Variants in CDH10 observed in about 807,000 individuals in gnomAD.
CDH10 encodes cadherin-10.
Under a neutral mutation model 73.1 loss-of-function variants are expected in CDH10, and 30 were observed. The observed-to-expected ratio is 0.41, with a 90% CI of 0.31 to 0.56. The LOEUF is 0.56. Among genes scored for constraint, CDH10 ranks in the 20% least tolerant of loss-of-function variants. The probability of loss-of-function intolerance (pLI) is 0.27; values close to 1 mark genes in which losing one functional copy is unlikely to be tolerated. For synonymous variants in CDH10, 345 were observed against 348.2 expected, an observed-to-expected ratio of 0.99 and a Z score of 0.10; for missense variants, 815 against 973.7, an observed-to-expected ratio of 0.84 and a Z score of 2.17.
chr5:24,597,413 T>C (rs186306015), intron 1 of CDH10, among the ~76,000 whole-genome samples: 1 of 152,072 alleles, frequency 6.6e-6, no homozygotes, highest in Admixed American at 6.6e-5. Context: ...TTTTCCTATT[T>C]AGTGCTTCAG....
intron 8 of CDH10, among the ~76,000 whole-genome samples, chr5:24,502,157 C>G (rs1211523025): frequency 6.6e-6 from 1 of 152,036 alleles, no homozygotes; most frequent in South Asian, 2.1e-4. Flanking sequence ...CACCTGACCT[C>G]GTGATCCGCC....
intron 7 of CDH10, among the ~76,000 whole-genome samples, chr5:24,509,360 C>A (rs922513908): frequency 6.6e-6 from 1 of 150,778 alleles, no homozygotes; most frequent in Non-Finnish European, 1.5e-5. Flanking sequence ...CTGCCTCAGC[C>A]TCCTGAGTAG....
intron 1 of CDH10, among the ~76,000 whole-genome samples, chr5:24,620,782 C>A (rs1174847534): frequency 1.3e-5 from 2 of 151,994 alleles, no homozygotes; most frequent in South Asian, 2.1e-4. Flanking sequence ...GTGCCCATAC[C>A]AGTCTGTATT....
At chr5:24,583,204 T>TAAA (rs35552025) in intron 2 of CDH10, among the ~76,000 whole-genome samples, 6 of 144,072 alleles carry the variant, frequency 4.2e-5, no homozygotes, top group South Asian at 4.4e-4. Context: ...ATTTTTTAGT[T>TAAA]AAAAAAAAAA....
chr5:24,598,486 T>G (rs1746447437), intron 1 of CDH10, among the ~76,000 whole-genome samples: 1 of 151,966 alleles, frequency 6.6e-6, no homozygotes, highest in Admixed American at 6.6e-5. Flanking sequence ...GATTGAATAT[T>G]ATAATTATTT....
intron 2 of CDH10, among the ~76,000 whole-genome samples, chr5:24,585,109 G>A (rs1745947209): frequency 6.6e-6 from 1 of 152,148 alleles, no homozygotes; most frequent in Admixed American, 6.5e-5. Context: ...GTCTCCCAAA[G>A]TGCTGGGATT....
At chr5:24,491,891 C>A (rs2111643022) in intron 10 of CDH10, 64 bp from the exon 11 acceptor site, 2 of 905,128 alleles carry the variant, frequency 2.2e-6, no homozygotes, top group Non-Finnish European at 3.3e-6. Flanking sequence ...ATGTGATCAC[C>A]AAGGTTTAAC....
chr5:24,642,071 A>G (rs1449343716), intron 1 of CDH10, among the ~76,000 whole-genome samples: 1 of 152,116 alleles, frequency 6.6e-6, no homozygotes, highest in Non-Finnish European at 1.5e-5. Context: ...CCCAAGGGCT[A>G]CACTAGAGAT....
At chr5:24,502,411 T>C (rs1742534308) in intron 8 of CDH10, among the ~76,000 whole-genome samples, 1 of 152,154 alleles carries the variant, frequency 6.6e-6, no homozygotes, top group Non-Finnish European at 1.5e-5. Context: ...TGAACGTCAT[T>C]GTGTCCTGCT....
At chr5:24,572,935 GAAAAAA>G (rs55946839) in intron 2 of CDH10, among the ~76,000 whole-genome samples, 1 of 72,116 alleles carries the variant, frequency 1.4e-5, no homozygotes, top group Non-Finnish European at 2.5e-5. Context: ...CTTAGAAAAA[GAAAAAA>G]AAAAAAAAAA....
chr5:24,498,269 T>A (rs1742363936), intron 9 of CDH10, 129 bp downstream of exon 9: 3 of 498,170 alleles, frequency 6.0e-6, no homozygotes, highest in Non-Finnish European at 1.1e-5. Context: ...TTATGGTTTT[T>A]AAAAATTATA....
chr5:24,488,390 T>C (rs763307505), intron 11 of CDH10, among the ~76,000 whole-genome samples: 1 of 152,124 alleles, frequency 6.6e-6, no homozygotes, highest in Non-Finnish European at 1.5e-5. Context: ...CAACGTAAAA[T>C]ATTCCTTAAA....
chr5:24,494,911 C>T (rs181553040), intron 9 of CDH10, among the ~76,000 whole-genome samples: 181 of 152,118 alleles, frequency 1.2e-3, no homozygotes, highest in African/African-American at 4.2e-3. Flanking sequence ...CTTAAGACTT[C>T]GCTACTGCAG....
chr5:24,581,562 C>A (rs78672304), intron 2 of CDH10, among the ~76,000 whole-genome samples: 1 of 152,106 alleles, frequency 6.6e-6, no homozygotes, highest in Admixed American at 6.6e-5. Flanking sequence ...TGGTTGCCTT[C>A]CATGCAGTGA....
chr5:24,575,363 A>C (rs1351292123), intron 2 of CDH10, among the ~76,000 whole-genome samples: 2 of 150,464 alleles, frequency 1.3e-5, no homozygotes, highest in Non-Finnish European at 2.9e-5. Context: ...AACAAAAAAA[A>C]AAAAAAAAAA....
chr5:24,535,123 CG>C lies in CDH10; in HGVS notation c.802del (p.Arg268ValfsTer37). ...TAAAGGGTGCTTACTCTGGGGGAAA[CG>C]TGGTGGGTTGTCATTGACATCTGTC... ...TLTDVNDNPPRFPQNTIHLRV... is the reference protein window; with the variant it reads ...TLTDVNDNPPXFPQNTIHLRV... On this transcript the variant is annotated frameshift_variant, in exon 5 of 12. Coordinates refer to ENST00000264463, the MANE Select transcript of CDH10 (RefSeq NM_006727.5). LOFTEE classifies it high-confidence loss of function. 6.2e-7 allele frequency: 1 copy of C among 1,607,164 alleles called. No homozygotes were observed. Among genetic ancestry groups the C allele is most frequent in the Non-Finnish European group, 8.5e-7 (1 of 1,178,014 alleles).
Position 24,601,163 on chromosome 5 carries a change from T to C in CDH10, c.-123-7550A>G, listed in dbSNP as rs528822255. On this transcript the variant is annotated intron_variant, in intron 1 of 11. Transcript: ENST00000264463. ...TCCAAAAGTATCATGGGCACTCAGC[T>C]GGGTGCCTACTGGGCTTAATGGAAA... is the stretch of plus-strand genomic sequence containing the variant. Among the ~76,000 whole-genome samples the C allele has an allele frequency of 6.6e-5, 10 of 152,268 alleles. No homozygotes were observed. In the South Asian group the frequency reaches 1.4e-3, roughly 22 times the overall value.
In CDH10 at chr5:24,512,826, A is replaced by C. The variant is rs1742968268; in HGVS notation, c.815-1312T>G. ...CCTTAAGTAATTCTCCTTAATATAC[A>C]TAATAAAGTCCAGACCTCTTAGCTT... On this transcript the variant is annotated intron_variant, in intron 5 of 11. Transcript: ENST00000264463. Among the ~76,000 whole-genome samples the C allele has an allele frequency of 1.3e-5, 2 of 152,154 alleles. 1 individual carries two copies. The highest frequency in any genetic ancestry group is 4.1e-4 in the South Asian group (2 of 4,828).
At chr5:24,545,592 A>C (rs1042732198) in intron 2 of CDH10, among the ~76,000 whole-genome samples, 2 of 152,060 alleles carry the variant, frequency 1.3e-5, no homozygotes, top group Non-Finnish European at 2.9e-5. Flanking sequence ...AGGCAGAAGG[A>C]TCTTTTGAGG....
Sources: gnomAD v4.1 joint callset for allele counts (sites outside exome capture counted in the v4.1 genomes callset) on GRCh38, gnomAD v4.1.1 for gene constraint, MANE v1.5 for transcripts, NCBI Gene and HGNC (gene_info 2026-07-23, HGNC 2026-07-21) for gene names.